Variants in OPHN1 observed in about 807,000 individuals in gnomAD.
The protein encoded by OPHN1 is oligophrenin-1.
A neutral mutation model predicts 60.7 loss-of-function variants in OPHN1; 11 were observed. That is an observed-to-expected ratio of 0.18 (90% confidence interval 0.11 to 0.30). The LOEUF (loss-of-function observed/expected upper bound fraction) is 0.30. Among genes scored for constraint, OPHN1 ranks in the 10% least tolerant of loss-of-function variants. The probability of loss-of-function intolerance (pLI) is 1.00; values close to 1 mark genes in which losing one functional copy is unlikely to be tolerated. For missense variants in OPHN1, 449 were observed against 611.0 expected (o/e 0.73, Z 2.80); for synonymous variants, 226 against 222.6 (o/e 1.02, Z -0.14).
chrX:68,058,029 CAGGCTCGTTACAT>C (rs775429844), intron 21 of OPHN1, among the ~76,000 whole-genome samples: 2 of 111,315 alleles, frequency 1.8e-5, no homozygotes, highest in Non-Finnish European at 3.8e-5. Context: ...GCACAATGTG[CAGGCTCGTTACAT>C]AGGCTCGTTA....
At chrX:68,086,287 C>T (rs1425692150) in intron 19 of OPHN1, among the ~76,000 whole-genome samples, 2 of 110,901 alleles carry the variant, frequency 1.8e-5, no homozygotes, top group South Asian at 3.9e-4. Flanking sequence ...AAAACCAGTT[C>T]CTATGCATCT....
chrX:68,223,795 T>A (rs1449837133), intron 6 of OPHN1, among the ~76,000 whole-genome samples: 3 of 111,664 alleles, frequency 2.7e-5, no homozygotes, highest in Non-Finnish European at 5.6e-5. Context: ...CTAGAGTAGC[T>A]ATATTAATTT....
chrX:68,097,737 C>T (rs1228268191), intron 18 of OPHN1, among the ~76,000 whole-genome samples: 1 of 110,727 alleles, frequency 9.0e-6, no homozygotes, highest in Non-Finnish European at 1.9e-5. Flanking sequence ...AGTAACTTGA[C>T]CCCTATTTCC....
intron 15 of OPHN1, among the ~76,000 whole-genome samples, chrX:68,166,908 G>T (rs780836580): frequency 2.5e-4 from 28 of 112,097 alleles, no homozygotes; most frequent in Non-Finnish European, 4.7e-4. Context: ...TTAAATCTAA[G>T]ACCTCAAACT....
At chrX:68,266,504 C>G (rs879058756) in intron 5 of OPHN1, among the ~76,000 whole-genome samples, 7 of 110,955 alleles carry the variant, frequency 6.3e-5, no homozygotes, top group South Asian at 3.9e-4. Context: ...CACCAGGCCT[C>G]CCCTACAAGA....
At chrX:68,148,576 G>A (rs970730588) in intron 15 of OPHN1, among the ~76,000 whole-genome samples, 4 of 110,476 alleles carry the variant, frequency 3.6e-5, no homozygotes, top group African/African-American at 9.9e-5. Flanking sequence ...AAGCTGAGAC[G>A]GCTGAGCCCA....
intron 15 of OPHN1, chrX:68,133,181 A>T (rs1327931969): frequency 3.2e-5 from 25 of 769,239 alleles, no homozygotes; most frequent in Admixed American, 8.9e-5. Context: ...TGCTTCAGAA[A>T]GTCAACCTCA....
intron 2 of OPHN1, among the ~76,000 whole-genome samples, chrX:68,416,061 TATATATAGAGAGAGAGAGAGAG>T (rs1474761406): frequency 2.9e-3 from 18 of 6,310 alleles, no homozygotes; most frequent in African/African-American, 4.3e-3. Context: ...TATATATATA[TATATATAGAGAGAGAGAGAGAG>T]AGAGAGAGAG....
At chrX:68,218,023 A>C (rs2077625228) in intron 6 of OPHN1, among the ~76,000 whole-genome samples, 1 of 86,549 alleles carries the variant, frequency 1.2e-5, no homozygotes, top group African/African-American at 3.6e-5. Context: ...AGAAGTTGAA[A>C]ACTTTGAAAA....
At chrX:68,064,277 A>C in intron 20 of OPHN1, 100 bp from the exon 21 acceptor site, 1 of 819,619 alleles carries the variant, frequency 1.2e-6, no homozygotes, top group Admixed American at 2.4e-5. Flanking sequence ...ATTTGTATAC[A>C]TTTTCAAAGC....
At chrX:68,293,868 C>T (rs2078081300) in intron 3 of OPHN1, among the ~76,000 whole-genome samples, 2 of 111,216 alleles carry the variant, frequency 1.8e-5, no homozygotes, top group South Asian at 3.9e-4. Context: ...CTTGTTTCAC[C>T]TTAACCCTGG....
In OPHN1 at chrX:68,427,267, C is replaced by CA. The variant is rs60749159; in HGVS notation, c.154+5599dup. Among the ~76,000 whole-genome samples the CA allele has an allele frequency of 5.5e-3, 454 of 82,111 alleles. 1 individual carries two copies. The highest frequency in any genetic ancestry group is 0.015 in the African/African-American group (344 of 23,409). 71.3% of individuals were successfully genotyped at this position (82,111 alleles called of 115,157 possible). A position where few individuals can be genotyped will look rare whatever the true frequency, so the allele number is the denominator to read the frequency against. On this transcript the variant is annotated intron_variant, in intron 2 of 24. Transcript: ENST00000355520. ...CTGGGCAACACAGTGAACTCTGTCT[C>CA]AAAAAAAAAAAACAACAACAACAAC...
chrX:68,385,345 G>GC (rs996291669), intron 2 of OPHN1, among the ~76,000 whole-genome samples: 1 of 111,601 alleles, frequency 9.0e-6, no homozygotes, highest in Non-Finnish European at 1.9e-5. Context: ...ATCTAGCAAT[G>GC]CCCAGCCCAG....
intron 2 of OPHN1, among the ~76,000 whole-genome samples, chrX:68,317,338 GGAAAGAAAGAAAGAAA>G (rs796692093): frequency 1.5e-3 from 44 of 28,829 alleles, no homozygotes; most frequent in African/African-American, 5.0e-3. Context: ...AAGAAAGAGA[GGAAAGAAAGAAAGAAA>G]GAAAGAAAGA....
At chrX:68,356,418 A>ATTT (rs201605410) in intron 2 of OPHN1, among the ~76,000 whole-genome samples, 1 of 102,454 alleles carries the variant, frequency 9.8e-6, no homozygotes, top group African/African-American at 3.6e-5. Context: ...TCCTTAAAAT[A>ATTT]TTTTTTTTTT....
chrX:68,093,533 C>T (rs2077026383), intron 19 of OPHN1, among the ~76,000 whole-genome samples: 1 of 110,996 alleles, frequency 9.0e-6, no homozygotes, highest in Admixed American at 9.6e-5. Flanking sequence ...TTTTATATTC[C>T]TACCAGAAAT....
intron 2 of OPHN1, among the ~76,000 whole-genome samples, chrX:68,392,569 C>T (rs2078658928): frequency 9.1e-6 from 1 of 109,859 alleles, no homozygotes; most frequent in African/African-American, 3.3e-5. Flanking sequence ...AGCCTGGAGA[C>T]CCACGGCCCT....
intron 2 of OPHN1, among the ~76,000 whole-genome samples, chrX:68,413,062 G>A (rs1470757628): frequency 9.0e-6 from 1 of 111,647 alleles, no homozygotes; most frequent in Admixed American, 9.6e-5. Flanking sequence ...AAGGCAGGAA[G>A]CAAAGGGAGA....
intron 16 of OPHN1, among the ~76,000 whole-genome samples, chrX:68,114,652 C>G (rs903207077): frequency 1.5e-4 from 17 of 110,185 alleles, no homozygotes; most frequent in Non-Finnish European, 3.2e-4. Context: ...GTAGTCCAGA[C>G]TACTCAAGGG....
Sources: allele counts gnomAD v4.1 joint callset (sites outside exome capture counted in the v4.1 genomes callset), GRCh38; gene constraint gnomAD v4.1.1; transcripts MANE v1.5; gene names NCBI Gene and HGNC (gene_info 2026-07-23, HGNC 2026-07-21).